Variants in TACR1 observed in about 807,000 individuals in gnomAD.
TACR1 encodes substance-P receptor.
A neutral mutation model predicts 35.8 loss-of-function variants in TACR1; 25 were observed. That is an observed-to-expected ratio of 0.70 (90% CI 0.51 to 0.98). The LOEUF (loss-of-function observed/expected upper bound fraction) is 0.98. Ranked by LOEUF, TACR1 falls within the 50% of genes least tolerant of loss-of-function variation. The probability of loss-of-function intolerance (pLI) is 0.00; values close to 1 mark genes in which losing one functional copy is unlikely to be tolerated. For synonymous variants in TACR1, 195 were observed against 206.7 expected, an observed-to-expected ratio of 0.94 and a Z score of 0.48; for missense variants, 478 against 522.9, an observed-to-expected ratio of 0.91 and a Z score of 0.84.
chr2:75,197,986 C>T (rs3771870), intron 1 of TACR1, among the ~76,000 whole-genome samples: 24,346 of 152,028 alleles, frequency 0.16, 2,701 homozygotes, highest in African/African-American at 0.3. Flanking sequence ...AACAAACAAA[C>T]AAACACAAAC....
chr2:75,147,632 C>G (rs977548308), intron 1 of TACR1, among the ~76,000 whole-genome samples: 1 of 152,134 alleles, frequency 6.6e-6, no homozygotes, highest in African/African-American at 2.4e-5. Context: ...CATTGTTCAA[C>G]TCCAACTTAT....
chr2:75,134,587 G>A (rs1291565166), intron 1 of TACR1, among the ~76,000 whole-genome samples: 1 of 152,208 alleles, frequency 6.6e-6, no homozygotes, highest in Admixed American at 6.5e-5. Context: ...CTGAAAGGTT[G>A]AGCTGGCATG....
At chr2:75,195,448 T>C (rs1421092113) in intron 1 of TACR1, among the ~76,000 whole-genome samples, 1 of 150,030 alleles carries the variant, frequency 6.7e-6, no homozygotes, top group Admixed American at 6.6e-5. Flanking sequence ...CCACCTTTCC[T>C]GTAGAAAGAC....
chr2:75,171,384 G>A (rs1675279146), intron 1 of TACR1, among the ~76,000 whole-genome samples: 1 of 152,230 alleles, frequency 6.6e-6, no homozygotes, highest in Non-Finnish European at 1.5e-5. Context: ...TGGATGTCCA[G>A]GCCGAGGTGT....
chr2:75,060,716 A>G (rs901476919), intron 2 of TACR1, among the ~76,000 whole-genome samples: 1 of 152,194 alleles, frequency 6.6e-6, no homozygotes, highest in Admixed American at 6.5e-5. Flanking sequence ...TGCTCTGGCA[A>G]TAGTGGAGCA....
intron 1 of TACR1, among the ~76,000 whole-genome samples, chr2:75,173,555 A>C (rs1231879841): frequency 1.3e-5 from 2 of 152,188 alleles, no homozygotes; most frequent in African/African-American, 4.8e-5. Context: ...TAGACTAAAG[A>C]AGAAACATCA....
At chr2:75,058,227 A>T (rs978003435) in intron 2 of TACR1, among the ~76,000 whole-genome samples, 4 of 152,180 alleles carry the variant, frequency 2.6e-5, no homozygotes, top group African/African-American at 9.7e-5. Context: ...AAAATTAAAT[A>T]CTTTTTTTGA....
intron 1 of TACR1, among the ~76,000 whole-genome samples, chr2:75,135,431 CTCTTTCCA>C (rs1191961925): frequency 2.6e-5 from 4 of 152,212 alleles, no homozygotes; most frequent in African/African-American, 9.7e-5. Flanking sequence ...GCCATGTGGT[CTCTTTCCA>C]GAGATTCAGT....
At chr2:75,195,408 C>G (rs56863063) in intron 1 of TACR1, among the ~76,000 whole-genome samples, 23,715 of 150,362 alleles carry the variant, frequency 0.16, 2,573 homozygotes, top group African/African-American at 0.29. Context: ...CCTTTCCCCC[C>G]ATCCCTTTTT....
intron 1 of TACR1, among the ~76,000 whole-genome samples, chr2:75,137,488 G>A (rs985895983): frequency 2.6e-5 from 4 of 151,930 alleles, no homozygotes; most frequent in Admixed American, 6.6e-5. Flanking sequence ...CACTTTGGGA[G>A]GCCAAGGTGG....
chr2:75,090,305 G>A (rs942156522), intron 2 of TACR1, among the ~76,000 whole-genome samples: 6 of 152,136 alleles, frequency 3.9e-5, no homozygotes, highest in African/African-American at 1.4e-4. Flanking sequence ...CCTCAGCCAG[G>A]GCTCTTAAAA....
chr2:75,153,601 T>G (rs956328304), intron 1 of TACR1, among the ~76,000 whole-genome samples: 3 of 152,198 alleles, frequency 2.0e-5, no homozygotes, highest in Non-Finnish European at 2.9e-5. Flanking sequence ...AAAAACCCAT[T>G]AAAATACATC....
chr2:75,181,673 T>A (rs976827699), intron 1 of TACR1, among the ~76,000 whole-genome samples: 1 of 152,208 alleles, frequency 6.6e-6, no homozygotes, highest in African/African-American at 2.4e-5. Flanking sequence ...GGGGTGGTAA[T>A]GAATTACCAT....
At chr2:75,106,292 A>T (rs544752622) in intron 2 of TACR1, among the ~76,000 whole-genome samples, 1 of 152,180 alleles carries the variant, frequency 6.6e-6, no homozygotes, top group African/African-American at 2.4e-5. Context: ...CATTTTTGCA[A>T]ATCCCTTTAA....
chr2:75,125,916 T>C (rs979701779), intron 1 of TACR1, among the ~76,000 whole-genome samples: 8 of 152,346 alleles, frequency 5.3e-5, no homozygotes, highest in Middle Eastern at 6.8e-3. Flanking sequence ...ATTCAGTCTT[T>C]CTTAGTTTTT....
chr2:75,116,842 G>A (rs1206768610), intron 2 of TACR1, among the ~76,000 whole-genome samples: 5 of 152,026 alleles, frequency 3.3e-5, no homozygotes, highest in Admixed American at 1.3e-4. Flanking sequence ...CCCAGGAGGC[G>A]GAGGTTGCAC....
chr2:75,094,708 G>A (rs1673378544), intron 2 of TACR1, among the ~76,000 whole-genome samples: 2 of 151,576 alleles, frequency 1.3e-5, no homozygotes, highest in South Asian at 4.2e-4. Flanking sequence ...AAATGGTGGT[G>A]GCAGCAGTGA....
At chr2:75,064,115 A>C (rs1271357112) in intron 2 of TACR1, among the ~76,000 whole-genome samples, 1 of 151,976 alleles carries the variant, frequency 6.6e-6, no homozygotes, top group Non-Finnish European at 1.5e-5. Flanking sequence ...GGTTCTGAAA[A>C]GGGTGCATTG....
intron 1 of TACR1, among the ~76,000 whole-genome samples, chr2:75,137,500 C>T (rs575132226): frequency 1.3e-4 from 20 of 151,868 alleles, no homozygotes; most frequent in East Asian, 3.9e-4. Flanking sequence ...CCAAGGTGGG[C>T]GGATCACGAG....
Sources: gnomAD v4.1 joint callset for allele counts (sites outside exome capture counted in the v4.1 genomes callset) on GRCh38, gnomAD v4.1.1 for gene constraint, MANE v1.5 for transcripts, NCBI Gene and HGNC (gene_info 2026-07-23, HGNC 2026-07-21) for gene names.